The following LMO7 variants were observed in gnomAD, a reference collection of about 807,000 sequenced individuals.
LMO7 encodes the protein LIM domain 7, also known as LIM domain only protein 7.
LMO7 carries 120 observed loss-of-function variants against 206.5 expected under a neutral mutation model. That is an observed-to-expected ratio of 0.58 (90% confidence interval 0.50 to 0.68). The LOEUF (loss-of-function observed/expected upper bound fraction) is 0.68. Ranked by LOEUF, LMO7 falls within the 30% of genes least tolerant of loss-of-function variation. The pLI is 0.00. For missense variants in LMO7, 1,959 were observed against 1,957.9 expected, an observed-to-expected ratio of 1.00 and a Z score of -0.01; for synonymous variants, 706 against 681.5, an observed-to-expected ratio of 1.04 and a Z score of -0.56.
intron 7 of LMO7, among the ~76,000 whole-genome samples, chr13:75,801,164 A>G (rs2054676290): frequency 6.6e-6 from 1 of 151,592 alleles, no homozygotes; most frequent in Non-Finnish European, 1.5e-5. Context: ...CTCTCTCCAG[A>G]TTCAGGCTTA....
Position 75,835,356 on chromosome 13 carries a change from G to C in LMO7, c.3333+17G>C. The C allele has an allele frequency of 1.3e-6, 2 of 1,546,966 alleles. No homozygotes were observed. The highest frequency in any genetic ancestry group is 1.2e-5 in the South Asian group (1 of 83,322). On this transcript the variant is annotated intron_variant, in intron 18 of 30. Coordinates refer to ENST00000377534, the MANE Select transcript of LMO7 (RefSeq NM_001306080.2). ...CAGAGTTCTGTGAGTATTTGGAGAAGTAGGAAGTACTGGTGTGGAGTAAAG... is the reference window on the plus strand; with the variant it reads ...CAGAGTTCTGTGAGTATTTGGAGAACTAGGAAGTACTGGTGTGGAGTAAAG...
In LMO7 at chr13:75,782,138, C is replaced by A. The variant is rs1214052948; in HGVS notation, c.318-13263C>A. The stretch of plus-strand genomic sequence containing the variant: ...CAGAAGCTCTTTAGTTTAATTAGAT[C>A]CCATTTGTCAACTTTGTCTTAAACT... On this transcript the variant is annotated intron_variant, in intron 4 of 30. Coordinates refer to ENST00000377534, the MANE Select transcript of LMO7 (RefSeq NM_001306080.2). 2.0e-5 allele frequency among the ~76,000 whole-genome samples: 3 copies of A among 152,080 alleles called. No individual in the cohort carries two copies. The South Asian group carries it at 6.2e-4, about 32-fold the overall frequency.
upstream of LMO7, among the ~76,000 whole-genome samples, chr13:75,634,302 G>T (rs550034032): frequency 6.6e-6 from 1 of 151,992 alleles, no homozygotes; most frequent in Non-Finnish European, 1.5e-5. Flanking sequence ...GCTGGGTGTG[G>T]TGTCACTTGC....
rs1356984944 is a variant in LMO7 at position 75,670,950 on chromosome 13, T to A, written c.69+34224T>A. On this transcript the variant is annotated intron_variant, in intron 1 of 30. Coordinates refer to ENST00000377534, the MANE Select transcript of LMO7 (RefSeq NM_001306080.2). Reference sequence around the variant, plus strand: ...CTATATTCTTATTCTATACCTTTTTTTTTTAATGTTTAAAACTTTTTTTTT... The same window carrying A: ...CTATATTCTTATTCTATACCTTTTTATTTTAATGTTTAAAACTTTTTTTTT... 3.3e-5 allele frequency among the ~76,000 whole-genome samples: 5 copies of A among 149,278 alleles called. No individual in the cohort carries two copies. In the East Asian group the frequency reaches 9.7e-4, roughly 29 times the overall value.
At chr13:75,748,311 G>A (rs774184153) in intron 3 of LMO7, among the ~76,000 whole-genome samples, 2 of 152,160 alleles carry the variant, frequency 1.3e-5, no homozygotes, top group African/African-American at 4.8e-5. Flanking sequence ...TAATACAGAG[G>A]TTAAGAGCAC....
At chr13:75,846,348 A>G (rs2059996453) in intron 26 of LMO7, among the ~76,000 whole-genome samples, 1 of 152,142 alleles carries the variant, frequency 6.6e-6, no homozygotes, top group East Asian at 1.9e-4. Flanking sequence ...TTAACTTTCC[A>G]GCTGATCTTG....
intron 7 of LMO7, among the ~76,000 whole-genome samples, chr13:75,801,931 A>G (rs769757391): frequency 2.0e-5 from 3 of 151,304 alleles, no homozygotes; most frequent in Non-Finnish European, 4.4e-5. Context: ...TTTACTATGC[A>G]TGCTTTATCT....
At chr13:75,781,903 T>C (rs1035984205) in intron 4 of LMO7, among the ~76,000 whole-genome samples, 5 of 151,970 alleles carry the variant, frequency 3.3e-5, no homozygotes, top group Non-Finnish European at 5.9e-5. Flanking sequence ...TTTCATGTGT[T>C]TTTTGGCTGC....
intron 1 of LMO7, among the ~76,000 whole-genome samples, chr13:75,671,424 A>G (rs538676363): frequency 3.9e-5 from 6 of 152,252 alleles, no homozygotes; most frequent in African/African-American, 1.2e-4. Flanking sequence ...TAGATAGAAG[A>G]TGGGAAATTT....
At chr13:75,834,488 T>A (rs2058954725) in intron 17 of LMO7, 101 bp downstream of exon 17, 3 of 927,982 alleles carry the variant, frequency 3.2e-6, no homozygotes, top group Non-Finnish European at 4.7e-6. Flanking sequence ...TTTTTTCACT[T>A]ATGTTTTGGC....
chr13:75,838,229 C>T (rs1486701445), intron 20 of LMO7, 33 bp downstream of exon 20: 1 of 1,569,766 alleles, frequency 6.4e-7, no homozygotes, highest in African/African-American at 1.4e-5. Flanking sequence ...CATGCACTTT[C>T]ATGGAATTGT....
At position 75,858,780 on chromosome 13, in the gene LMO7, TTACTAAGGTA is replaced by T. The variant is rs1443303715; in HGVS notation, c.*840_*849del. ...TGATGTTATGTTTTATCCAGTAGCTTTACTAAGGTATAATTGATGTAATAAACTGCATATA... is the reference window on the plus strand; with the variant it reads ...TGATGTTATGTTTTATCCAGTAGCTTTAATTGATGTAATAAACTGCATATA... On this transcript the variant is annotated 3_prime_UTR_variant, in exon 31 of 31. Transcript: ENST00000377534. The T allele has an allele frequency of 6.6e-6, 1 of 152,504 alleles. No individual in the cohort carries two copies. The highest frequency in any genetic ancestry group is 1.5e-5 in the Non-Finnish European group (1 of 68,040). The allele number at this position is 152,504 out of a possible 1,614,324, so 9.4% of individuals were successfully genotyped here. A position where few individuals can be genotyped will look rare whatever the true frequency, so the allele number is the denominator to read the frequency against.
At chr13:75,693,579 CAT>C (rs1304353641) in intron 1 of LMO7, among the ~76,000 whole-genome samples, 4 of 152,220 alleles carry the variant, frequency 2.6e-5, no homozygotes, top group Admixed American at 2.6e-4. Context: ...TGTTCCAGGA[CAT>C]AGGGTAATTA....
intron 1 of LMO7, among the ~76,000 whole-genome samples, chr13:75,695,997 G>T (rs144469393): frequency 2.0e-5 from 3 of 152,330 alleles, no homozygotes; most frequent in East Asian, 1.9e-4. Context: ...TACTCAGAAT[G>T]TGCCAGCAGG....
rs770715911 is a variant in LMO7 at position 75,760,717 on chromosome 13, G to A, written c.211-215G>A. ...GATCACAGAAACAGTGTATGCCCGG[G>A]CATAAGATAGCACGACTGTGTATGC... On this transcript the variant is annotated intron_variant, in intron 3 of 30. Coordinates refer to ENST00000377534, the MANE Select transcript of LMO7 (RefSeq NM_001306080.2). 56 of 1,533,416 alleles carry A rather than the reference G, an allele frequency of 3.7e-5. 1 individual carries two copies. In the Middle Eastern group the frequency reaches 6.7e-3, roughly 184 times the overall value. 95.0% of individuals were successfully genotyped at this position (1,533,416 alleles called of 1,614,324 possible).
At chr13:75,733,244 G>T (rs185362026) in intron 3 of LMO7, among the ~76,000 whole-genome samples, 3,410 of 152,344 alleles carry the variant, frequency 0.022, 130 homozygotes, top group African/African-American at 0.077. Flanking sequence ...GCCTACAGAG[G>T]CAGGCAGGCC....
chr13:75,817,302 G>A, intron 12 of LMO7, 24 bp downstream of exon 12: 1 of 1,429,608 alleles, frequency 7.0e-7, no homozygotes, highest in Non-Finnish European at 9.8e-7. Context: ...GGATTGGAGG[G>A]GAGAGAGTGT....
At chr13:75,827,335 C>A (rs1037621312) in intron 15 of LMO7, among the ~76,000 whole-genome samples, 2 of 152,080 alleles carry the variant, frequency 1.3e-5, no homozygotes, top group African/African-American at 2.4e-5. Flanking sequence ...AGTTATTTTA[C>A]GAAAGCTAAG....
Position 75,841,628 on chromosome 13 carries a change from G to A in LMO7, c.3676G>A (p.Glu1226Lys), listed in dbSNP as rs773431951. Residue 1226 changes from glutamate to lysine, a missense_variant and splice_region_variant, in exon 24 of 31, where the codon GAA (glutamate) becomes AAA (lysine). Glu to Lys is a moderately conservative substitution (Grantham distance 56, BLOSUM62 1). Coordinates refer to ENST00000377534, the MANE Select transcript of LMO7 (RefSeq NM_001306080.2). Reference protein sequence around the residue: ...ERENSKYLDEELMVLSSNSMS... With the variant: ...ERENSKYLDEKLMVLSSNSMS... ...ATTTCTTTTTTCACTGGTCACCTAGGAACTGATGGTCCTAAGCTCAAACAG... is the reference window on the plus strand; with the variant it reads ...ATTTCTTTTTTCACTGGTCACCTAGAAACTGATGGTCCTAAGCTCAAACAG... 7 of 1,599,388 alleles carry A rather than the reference G, an allele frequency of 4.4e-6. No individual in the cohort carries two copies. Among genetic ancestry groups the A allele is most frequent in the Admixed American group, 1.7e-5 (1 of 57,602 alleles).
Sources: gnomAD v4.1 joint callset for allele counts (sites outside exome capture counted in the v4.1 genomes callset) on GRCh38, gnomAD v4.1.1 for gene constraint, MANE v1.5 for transcripts, NCBI Gene and HGNC (gene_info 2026-07-23, HGNC 2026-07-21) for gene names.